NKAIN2: variants seen among roughly 807,000 people sequenced by gnomAD.
The protein encoded by NKAIN2 is sodium/potassium transporting ATPase interacting 2, also known as sodium/potassium-transporting ATPase subunit beta-1-interacting protein 2.
Under a neutral mutation model 32.6 loss-of-function variants are expected in NKAIN2, and 14 were observed. The observed-to-expected ratio is 0.43, with a 90% CI of 0.28 to 0.67. The LOEUF (loss-of-function observed/expected upper bound fraction) is 0.67. NKAIN2 is among the 30% of genes least tolerant of loss of function. The pLI is 0.17. For synonymous variants in NKAIN2, 80 were observed against 87.2 expected (o/e 0.92, Z 0.46); for missense variants, 198 against 258.3 (o/e 0.77, Z 1.60).
intron 1 of NKAIN2, among the ~76,000 whole-genome samples, chr6:124,071,220 C>T (rs1001484460): frequency 6.6e-6 from 1 of 152,056 alleles, no homozygotes; most frequent in Admixed American, 6.6e-5. Context: ...GAAAGGACTT[C>T]CTATTCAATA....
At chr6:124,677,368 A>C (rs1450893398) in intron 4 of NKAIN2, among the ~76,000 whole-genome samples, 1 of 152,056 alleles carries the variant, frequency 6.6e-6, no homozygotes, top group African/African-American at 2.4e-5. Context: ...AGGGCTTACT[A>C]TTGCCATTTT....
chr6:124,718,647 C>T (rs955270149), intron 4 of NKAIN2, among the ~76,000 whole-genome samples: 5 of 152,174 alleles, frequency 3.3e-5, no homozygotes, highest in Non-Finnish European at 5.9e-5. Context: ...ACAGTCTACA[C>T]ACAATCAAAC....
chr6:124,301,336 G>A (rs1796284231), intron 2 of NKAIN2, among the ~76,000 whole-genome samples: 1 of 152,236 alleles, frequency 6.6e-6, no homozygotes, highest in Non-Finnish European at 1.5e-5. Context: ...ATGCCTGGAT[G>A]TCCAGGTAGA....
intron 4 of NKAIN2, among the ~76,000 whole-genome samples, chr6:124,778,368 G>C (rs537999725): frequency 7.3e-5 from 11 of 150,778 alleles, no homozygotes; most frequent in Non-Finnish European, 1.6e-4. Context: ...AAAAAAAAAA[G>C]CCCTGCATAG....
chr6:124,487,951 A>T (rs115333379), intron 3 of NKAIN2, among the ~76,000 whole-genome samples: 2,187 of 152,122 alleles, frequency 0.014, 57 homozygotes, highest in African/African-American at 0.05. Context: ...TGTTTTTCTA[A>T]CTTTGAAGAG....
chr6:124,250,896 G>T (rs946570285), intron 1 of NKAIN2, among the ~76,000 whole-genome samples: 37 of 152,058 alleles, frequency 2.4e-4, no homozygotes, highest in African/African-American at 8.4e-4. Context: ...ATGGTCAGAG[G>T]TGTTGATATC....
At chr6:124,347,886 G>C (rs965593322) in intron 2 of NKAIN2, among the ~76,000 whole-genome samples, 4 of 152,196 alleles carry the variant, frequency 2.6e-5, no homozygotes, top group South Asian at 2.1e-4. Context: ...GAGGAACTGC[G>C]TTCCTTTGGA....
At chr6:123,895,082 C>T (rs1246322675) in intron 1 of NKAIN2, among the ~76,000 whole-genome samples, 1 of 150,850 alleles carries the variant, frequency 6.6e-6, no homozygotes, top group Non-Finnish European at 1.5e-5. Context: ...TTGCCCTTTC[C>T]TGCCCCTCTG....
intron 1 of NKAIN2, among the ~76,000 whole-genome samples, chr6:124,150,768 A>G (rs1787676502): frequency 6.6e-6 from 1 of 152,106 alleles, no homozygotes; most frequent in Non-Finnish European, 1.5e-5. Context: ...GACAAACTAC[A>G]CTCCGGGAGG....
At chr6:124,200,007 A>C (rs1328976788) in intron 1 of NKAIN2, among the ~76,000 whole-genome samples, 1 of 152,162 alleles carries the variant, frequency 6.6e-6, no homozygotes, top group Non-Finnish European at 1.5e-5. Context: ...AATGTAAGTA[A>C]GGATAGAAGG....
chr6:124,825,446 C>G lies in NKAIN2; in HGVS notation c.*2217C>G, dbSNP rs1442119801. ...TCTACAGTTGTACAGCTGTATCCTC[C>G]TCAAAATCCGGTGAAGAATGCTATT... On this transcript the variant is annotated 3_prime_UTR_variant, in exon 7 of 7. Coordinates refer to ENST00000368417, the MANE Select transcript of NKAIN2 (RefSeq NM_001040214.3). The G allele has an allele frequency of 6.6e-6, 1 of 152,542 alleles. No individual in the cohort carries two copies. The highest frequency in any genetic ancestry group is 6.6e-5 in the Admixed American group (1 of 15,260). 9.4% of individuals were successfully genotyped at this position (152,542 alleles called of 1,614,324 possible).
At chr6:124,340,191 A>T (rs1027437337) in intron 2 of NKAIN2, among the ~76,000 whole-genome samples, 1 of 152,188 alleles carries the variant, frequency 6.6e-6, no homozygotes, top group African/African-American at 2.4e-5. Flanking sequence ...AGTGATGAAT[A>T]TGTGACAATG....
chr6:124,245,536 G>C (rs1212569614), intron 1 of NKAIN2, among the ~76,000 whole-genome samples: 1 of 151,982 alleles, frequency 6.6e-6, no homozygotes. Flanking sequence ...TTACTCTTCA[G>C]CTTGAACTTA....
chr6:124,539,061 G>A (rs1779816812), intron 3 of NKAIN2, among the ~76,000 whole-genome samples: 1 of 152,046 alleles, frequency 6.6e-6, no homozygotes, highest in Non-Finnish European at 1.5e-5. Flanking sequence ...GAATGGTAAG[G>A]CAAGAATTAT....
chr6:124,673,960 T>G (rs1307598408), intron 4 of NKAIN2, among the ~76,000 whole-genome samples: 1 of 152,020 alleles, frequency 6.6e-6, no homozygotes, highest in Non-Finnish European at 1.5e-5. Context: ...CCAAAACCAA[T>G]GCTATGAAGT....
rs149643541 is a variant in NKAIN2 at position 124,125,679 on chromosome 6, A to G, written c.55-157326A>G. ...TCTGTACTATGCTTCAGCAGGCACT[A>G]ACAATTCAAGAGCAGTTTTAAGCTC... On this transcript the variant is annotated intron_variant, in intron 1 of 6. Transcript: ENST00000368417. 3.9e-3 allele frequency among the ~76,000 whole-genome samples: 588 copies of G among 152,340 alleles called. 6 individuals carry two copies. Among genetic ancestry groups the G allele is most frequent in the African/African-American group, 0.014 (573 of 41,582 alleles).
At chr6:124,113,669 G>C (rs1224420487) in intron 1 of NKAIN2, among the ~76,000 whole-genome samples, 1 of 152,144 alleles carries the variant, frequency 6.6e-6, no homozygotes, top group Non-Finnish European at 1.5e-5. Flanking sequence ...CTGAACATGG[G>C]ATCCAAGCCC....
intron 3 of NKAIN2, among the ~76,000 whole-genome samples, chr6:124,392,945 C>T (rs1002775116): frequency 1.3e-5 from 2 of 152,094 alleles, no homozygotes; most frequent in Non-Finnish European, 2.9e-5. Context: ...TTTGAGGCTG[C>T]TGTAAGCTGT....
chr6:123,822,575 CAG>C (rs151125732), intron 1 of NKAIN2, among the ~76,000 whole-genome samples: 3,038 of 152,098 alleles, frequency 0.02, 79 homozygotes, highest in African/African-American at 0.07. Context: ...TGGTTTAAAT[CAG>C]AGTTTAGAAG....
Sources: allele counts gnomAD v4.1 joint callset (sites outside exome capture counted in the v4.1 genomes callset), GRCh38; gene constraint gnomAD v4.1.1; transcripts MANE v1.5; gene names NCBI Gene and HGNC (gene_info 2026-07-23, HGNC 2026-07-21).